The following CNOT6L variants were observed in gnomAD, a reference collection of about 807,000 sequenced individuals.
CNOT6L encodes the protein CCR4-NOT transcription complex subunit 6 like, also known as CCR4-NOT transcription complex subunit 6-like.
A neutral mutation model predicts 64.0 loss-of-function variants in CNOT6L; 7 were observed. That is an observed-to-expected ratio of 0.11 (90% CI 0.06 to 0.21). CNOT6L has a LOEUF of 0.21. Among genes scored for constraint, CNOT6L ranks in the 10% least tolerant of loss-of-function variants. CNOT6L has a pLI of 1.00. For synonymous variants in CNOT6L, 193 were observed against 243.4 expected (o/e 0.79, Z 1.93); for missense variants, 245 against 669.0 (o/e 0.37, Z 6.99).
chr4:77,799,239 G>C (rs1731219743), intron 1 of CNOT6L, among the ~76,000 whole-genome samples: 1 of 152,048 alleles, frequency 6.6e-6, no homozygotes, highest in African/African-American at 2.4e-5. Flanking sequence ...ACCAGCCTGG[G>C]CAACACATCA....
At chr4:77,803,671 A>G (rs1731873220) in intron 1 of CNOT6L, among the ~76,000 whole-genome samples, 1 of 152,166 alleles carries the variant, frequency 6.6e-6, no homozygotes, top group Non-Finnish European at 1.5e-5. Context: ...TGAGAGGCCG[A>G]GGCAGGTAGA....
At chr4:77,786,633 C>T (rs910744984) in intron 1 of CNOT6L, among the ~76,000 whole-genome samples, 10 of 151,902 alleles carry the variant, frequency 6.6e-5, no homozygotes, top group South Asian at 2.1e-4. Flanking sequence ...TACCACCCCA[C>T]GCCTGGCTAA....
intron 8 of CNOT6L, among the ~76,000 whole-genome samples, chr4:77,733,014 G>C (rs1471461332): frequency 3.9e-5 from 6 of 152,092 alleles, no homozygotes; most frequent in Non-Finnish European, 8.8e-5. Context: ...CAAGAGGAGT[G>C]AGCAGTTTCA....
At chr4:77,753,905 A>C (rs1333580087) in intron 5 of CNOT6L, among the ~76,000 whole-genome samples, 1 of 149,574 alleles carries the variant, frequency 6.7e-6, no homozygotes, top group Non-Finnish European at 1.5e-5. Context: ...TCATGTTAAA[A>C]AAAAAAAAAA....
rs1332225254 is a variant in CNOT6L at position 77,719,488 on chromosome 4, T to C, written c.*943A>G. ...CCATCTGAAACTTTGATCAAGGCCT[T>C]TTTATTCAGCAGACTTTTTTCTTCT... On this transcript the variant is annotated 3_prime_UTR_variant, in exon 12 of 12. Coordinates refer to ENST00000504123, the MANE Select transcript of CNOT6L (RefSeq NM_144571.3). 1.3e-5 allele frequency: 2 copies of C among 152,572 alleles called. No individual in the cohort carries two copies. Among genetic ancestry groups the C allele is most frequent in the African/African-American group, 4.8e-5 (2 of 41,456 alleles). 9.5% of individuals were successfully genotyped at this position (152,572 alleles called of 1,614,324 possible). A position where few individuals can be genotyped will look rare whatever the true frequency, so the allele number is the denominator to read the frequency against.
At chr4:77,722,475 A>C (rs1315248037) in intron 11 of CNOT6L, among the ~76,000 whole-genome samples, 1 of 152,178 alleles carries the variant, frequency 6.6e-6, no homozygotes, top group Non-Finnish European at 1.5e-5. Context: ...AGGCCCAAGA[A>C]TTGCTTTAAC....
intron 11 of CNOT6L, among the ~76,000 whole-genome samples, chr4:77,723,926 T>C (rs1443847391): frequency 2.0e-5 from 3 of 152,138 alleles, no homozygotes; most frequent in Non-Finnish European, 4.4e-5. Context: ...CAAATTGTGT[T>C]TCTCTGATTT....
chr4:77,794,965 T>C (rs1340482043), intron 1 of CNOT6L, among the ~76,000 whole-genome samples: 1 of 149,528 alleles, frequency 6.7e-6, no homozygotes, highest in Non-Finnish European at 1.5e-5. Context: ...TGCAAAAAAA[T>C]CAAGTGTATT....
chr4:77,798,872 C>T (rs1215721309), intron 1 of CNOT6L, among the ~76,000 whole-genome samples: 1 of 151,136 alleles, frequency 6.6e-6, no homozygotes, highest in Non-Finnish European at 1.5e-5. Context: ...ATCCCAGCTA[C>T]TAAGGCAGCC....
rs748592698 is a variant in CNOT6L at position 77,715,656 on chromosome 4, T to C, written c.*4775A>G. The C allele has an allele frequency of 6.6e-6, 1 of 152,556 alleles. No homozygotes were observed. The highest frequency in any genetic ancestry group is 1.5e-5 in the Non-Finnish European group (1 of 68,006). 9.5% of individuals were successfully genotyped at this position (152,556 alleles called of 1,614,324 possible). On this transcript the variant is annotated 3_prime_UTR_variant, in exon 12 of 12. Coordinates refer to ENST00000504123, the MANE Select transcript of CNOT6L (RefSeq NM_144571.3). ...AGGTATTTGGTTAAAACAAGAAATATGCATGCTCTTCCTTACCACCTTCCT... is the reference window on the plus strand; with the variant it reads ...AGGTATTTGGTTAAAACAAGAAATACGCATGCTCTTCCTTACCACCTTCCT...
intron 1 of CNOT6L, among the ~76,000 whole-genome samples, chr4:77,801,694 G>GGC (rs927145051): frequency 7.4e-6 from 1 of 135,708 alleles, no homozygotes; most frequent in Admixed American, 7.4e-5. Flanking sequence ...AAAAATTGGG[G>GGC]GGGGGGGAGA....
At chr4:77,721,318 G>T (rs6533226) in intron 11 of CNOT6L, among the ~76,000 whole-genome samples, 2 of 152,052 alleles carry the variant, frequency 1.3e-5, no homozygotes, top group Non-Finnish European at 2.9e-5. Flanking sequence ...AGTTTTATCT[G>T]TCAGAGCTAG....
At chr4:77,764,800 A>T (rs1726640404) in intron 4 of CNOT6L, among the ~76,000 whole-genome samples, 1 of 152,218 alleles carries the variant, frequency 6.6e-6, no homozygotes. Context: ...AAAGTTAGAA[A>T]GGAATATCAT....
At chr4:77,771,175 G>T (rs1727508706) in intron 4 of CNOT6L, among the ~76,000 whole-genome samples, 1 of 152,038 alleles carries the variant, frequency 6.6e-6, no homozygotes, top group African/African-American at 2.4e-5. Flanking sequence ...CAAAAAATTA[G>T]CCGGACGTGG....
intron 1 of CNOT6L, among the ~76,000 whole-genome samples, chr4:77,789,990 A>T (rs980942558): frequency 6.7e-6 from 1 of 150,092 alleles, no homozygotes; most frequent in African/African-American, 2.5e-5. Context: ...ATTCATTCCC[A>T]TCTGCTTAAT....
chr4:77,777,644 G>C (rs952706529), intron 1 of CNOT6L, among the ~76,000 whole-genome samples: 2 of 152,106 alleles, frequency 1.3e-5, no homozygotes, highest in African/African-American at 4.8e-5. Flanking sequence ...TTGCCACATA[G>C]TATTTATATT....
chr4:77,815,132 T>C (rs1275999583), intron 1 of CNOT6L, among the ~76,000 whole-genome samples: 1 of 152,134 alleles, frequency 6.6e-6, no homozygotes, highest in East Asian at 1.9e-4. Context: ...TCATCACCTA[T>C]CCCAATAACA....
chr4:77,770,521 G>T (rs940899711), intron 4 of CNOT6L, among the ~76,000 whole-genome samples: 29 of 152,164 alleles, frequency 1.9e-4, no homozygotes, highest in African/African-American at 6.8e-4. Flanking sequence ...AAAAGGAAGA[G>T]ATCTGGTTTT....
chr4:77,738,926 C>T (rs1486720871), intron 8 of CNOT6L, among the ~76,000 whole-genome samples: 4 of 152,064 alleles, frequency 2.6e-5, no homozygotes, highest in African/African-American at 9.7e-5. Flanking sequence ...ACTCAAAGTT[C>T]TATTTTCTAG....
Sources: gnomAD v4.1 joint callset for allele counts (sites outside exome capture counted in the v4.1 genomes callset) on GRCh38, gnomAD v4.1.1 for gene constraint, MANE v1.5 for transcripts, NCBI Gene and HGNC (gene_info 2026-07-23, HGNC 2026-07-21) for gene names.